The following KATNAL1 variants were observed in gnomAD, a reference collection of about 807,000 sequenced individuals.
KATNAL1 encodes katanin p60 ATPase-containing subunit A-like 1.
Under a neutral mutation model 55.2 loss-of-function variants are expected in KATNAL1, and 32 were observed. That is an observed-to-expected ratio of 0.58 (90% CI 0.44 to 0.78). The LOEUF (loss-of-function observed/expected upper bound fraction) is 0.78. KATNAL1 is among the 30% of genes least tolerant of loss of function. The probability of loss-of-function intolerance (pLI) is 0.00; values close to 1 mark genes in which losing one functional copy is unlikely to be tolerated. For synonymous variants in KATNAL1, 193 were observed against 193.6 expected, an observed-to-expected ratio of 1.00 and a Z score of 0.02; for missense variants, 466 against 600.9, an observed-to-expected ratio of 0.78 and a Z score of 2.35.
At chr13:30,223,253 C>A (rs1463904238) in intron 9 of KATNAL1, among the ~76,000 whole-genome samples, 1 of 151,534 alleles carries the variant, frequency 6.6e-6, no homozygotes, top group African/African-American at 2.4e-5. Context: ...TCCTGGCTAA[C>A]ACGGTGAAAC....
chr13:30,206,209 A>C lies in KATNAL1; in HGVS notation c.*2331T>G, dbSNP rs1223844334. The C allele has an allele frequency of 2.0e-5, 3 of 152,112 alleles. No individual in the cohort carries two copies. The highest frequency in any genetic ancestry group is 2.9e-5 in the Non-Finnish European group (2 of 68,070). The allele number at this position is 152,112 out of a possible 1,614,324, so 9.4% of individuals were successfully genotyped here. ...GGCAGGAGAATGGCTTGAACCTGGGAGGCAGAAGTTGCAGTGAGCCGAGAT... is the reference window on the plus strand; with the variant it reads ...GGCAGGAGAATGGCTTGAACCTGGGCGGCAGAAGTTGCAGTGAGCCGAGAT... On this transcript the variant is annotated 3_prime_UTR_variant, in exon 11 of 11. Transcript: ENST00000380615.
chr13:30,267,364 C>T (rs988926993), intron 3 of KATNAL1, among the ~76,000 whole-genome samples: 1 of 152,134 alleles, frequency 6.6e-6, no homozygotes, highest in Non-Finnish European at 1.5e-5. Context: ...TCCAGTTTAT[C>T]GTCAACTTCT....
At chr13:30,250,643 G>T (rs1032573897) in intron 4 of KATNAL1, among the ~76,000 whole-genome samples, 6 of 151,988 alleles carry the variant, frequency 3.9e-5, no homozygotes, top group African/African-American at 1.5e-4. Context: ...CTCATGAGAA[G>T]GAAAGTCTTC....
At chr13:30,221,517 C>T (rs1874852613) in intron 9 of KATNAL1, among the ~76,000 whole-genome samples, 1 of 152,120 alleles carries the variant, frequency 6.6e-6, no homozygotes, top group African/African-American at 2.4e-5. Flanking sequence ...AAGTAGCTAA[C>T]AAAAACAAAT....
Position 30,241,597 on chromosome 13 carries a change from T to A in KATNAL1, c.493-511A>T, listed in dbSNP as rs558302676. Among the ~76,000 whole-genome samples, 21 of 152,334 alleles carry A rather than the reference T, an allele frequency of 1.4e-4. No individual in the cohort carries two copies. The South Asian group carries it at 4.1e-3, about 30-fold the overall frequency. ...TTGACGAGCTTTAAATGAAATTCAC[T>A]TATTTGCCAGAGACAGTCCAACTAT... On this transcript the variant is annotated intron_variant, in intron 4 of 10. Coordinates refer to ENST00000380615, the MANE Select transcript of KATNAL1 (RefSeq NM_032116.5).
chr13:30,296,759 G>A, intron 1 of KATNAL1: 2 of 487,790 alleles, frequency 4.1e-6, no homozygotes, highest in East Asian at 5.1e-5. Flanking sequence ...TAGTGAGCTT[G>A]TGCCCCTACC....
intron 9 of KATNAL1, among the ~76,000 whole-genome samples, chr13:30,214,198 A>G (rs1873977667): frequency 1.3e-5 from 2 of 152,236 alleles, no homozygotes; most frequent in Non-Finnish European, 1.5e-5. Context: ...TAAAATACCT[A>G]GGAATCCAAC....
In KATNAL1 at chr13:30,208,483, GGA is replaced by G; in HGVS notation, c.*55_*56del. On this transcript the variant is annotated 3_prime_UTR_variant, in exon 11 of 11. Coordinates refer to ENST00000380615, the MANE Select transcript of KATNAL1 (RefSeq NM_032116.5). Reference sequence around the variant, plus strand: ...CCAAACTTGTTTTTTAAAAATTGCAGGAATTTCTTCGTATTTTATCAACAAAA... The same window carrying G: ...CCAAACTTGTTTTTTAAAAATTGCAGATTTCTTCGTATTTTATCAACAAAA... The G allele has an allele frequency of 7.2e-7, 1 of 1,383,462 alleles. No individual in the cohort carries two copies. Among genetic ancestry groups the G allele is most frequent in the Admixed American group, 2.6e-5 (1 of 38,218 alleles). The allele number at this position is 1,383,462 out of a possible 1,614,324, so 85.7% of individuals were successfully genotyped here. A position where few individuals can be genotyped will look rare whatever the true frequency, so the allele number is the denominator to read the frequency against.
chr13:30,296,112 T>A (rs1209443157), intron 1 of KATNAL1: 44 of 382,456 alleles, frequency 1.2e-4, no homozygotes, highest in Non-Finnish European at 4.3e-5. Flanking sequence ...TGATCGTCCG[T>A]GCATCTAGCC....
At chr13:30,218,445 C>A (rs1874530565) in intron 9 of KATNAL1, among the ~76,000 whole-genome samples, 1 of 151,846 alleles carries the variant, frequency 6.6e-6, no homozygotes, top group Non-Finnish European at 1.5e-5. Flanking sequence ...CTCACTTGTG[C>A]CTATTATTTT....
chr13:30,216,843 C>CT (rs1199702966), intron 9 of KATNAL1, among the ~76,000 whole-genome samples: 1 of 152,318 alleles, frequency 6.6e-6, no homozygotes, highest in East Asian at 1.9e-4. Flanking sequence ...ACAAATACCC[C>CT]TTTTCATTCT....
At position 30,240,558 on chromosome 13, in the gene KATNAL1, T is replaced by C. The variant is rs934642403; in HGVS notation, c.628A>G (p.Ile210Val). ...SRNPSIHWDD[I>V]ADLEEAKKLL... Reference sequence around the variant, plus strand: ...TTCTTAGCTTCTTCCAGATCTGCTATGTCATCCCTTTGAAAGAACAGCAAA... The same window carrying C: ...TTCTTAGCTTCTTCCAGATCTGCTACGTCATCCCTTTGAAAGAACAGCAAA... Residue 210 changes from isoleucine (I) to valine (V), a missense_variant, in exon 6 of 11, where the codon ATA (isoleucine) becomes GTA (valine). Around this residue, in one of 3 missense-constraint regions of KATNAL1, gnomAD observed 248 missense variants for 275.5 expected, o/e 0.90. Transcript: ENST00000380615. 5 of 1,610,198 alleles carry C rather than the reference T, an allele frequency of 3.1e-6. No individual in the cohort carries two copies. Among genetic ancestry groups the C allele is most frequent in the South Asian group, 1.1e-5 (1 of 90,838 alleles).
Position 30,283,793 on chromosome 13 carries a change from T to G in KATNAL1, c.-14-2A>C. The G allele has an allele frequency of 1.3e-6, 2 of 1,591,964 alleles. No individual in the cohort carries two copies. The highest frequency in any genetic ancestry group is 1.7e-6 in the Non-Finnish European group (2 of 1,167,842). On this transcript the variant is annotated splice_acceptor_variant, in intron 1 of 10. Coordinates refer to ENST00000380615, the MANE Select transcript of KATNAL1 (RefSeq NM_032116.5). LOFTEE classifies it low-confidence loss of function (5UTR_SPLICE). Reference sequence around the variant, plus strand: ...CCAAATTCATCTTCTTTCAGAGACCTAAACATAAAATATAATGACTTTTTA... The same window carrying G: ...CCAAATTCATCTTCTTTCAGAGACCGAAACATAAAATATAATGACTTTTTA...
intron 3 of KATNAL1, 61 bp downstream of exon 3, chr13:30,280,002 T>G: frequency 7.0e-7 from 1 of 1,421,690 alleles, no homozygotes; most frequent in Admixed American, 2.4e-5. Flanking sequence ...GTTCAAAACA[T>G]GCTTCACTGT....
chr13:30,238,297 CCATT>C (rs1162353842), intron 6 of KATNAL1, among the ~76,000 whole-genome samples: 8 of 152,090 alleles, frequency 5.3e-5, no homozygotes, highest in Non-Finnish European at 1.2e-4. Context: ...TATGAGATAA[CCATT>C]ATTATTCCCA....
At chr13:30,246,571 A>C (rs758273722) in intron 4 of KATNAL1, among the ~76,000 whole-genome samples, 14 of 152,250 alleles carry the variant, frequency 9.2e-5, no homozygotes, top group Non-Finnish European at 1.9e-4. Flanking sequence ...GAGCTTCTGC[A>C]CAGCAAAAGA....
chr13:30,207,678 A>T lies in KATNAL1; in HGVS notation c.*862T>A, dbSNP rs1873277770. 1 of 152,216 alleles carries T rather than the reference A, an allele frequency of 6.6e-6. No individual in the cohort carries two copies. The highest frequency in any genetic ancestry group is 1.5e-5 in the Non-Finnish European group (1 of 68,076). The allele number at this position is 152,216 out of a possible 1,614,324, so 9.4% of individuals were successfully genotyped here. A position where few individuals can be genotyped will look rare whatever the true frequency, so the allele number is the denominator to read the frequency against. On this transcript the variant is annotated 3_prime_UTR_variant, in exon 11 of 11. Coordinates refer to ENST00000380615, the MANE Select transcript of KATNAL1 (RefSeq NM_032116.5). ...GCTACTTGGGAGGCTGAGACAGGAGAATTGCTTGAATCTAGGAGGCAGAGG... is the reference window on the plus strand; with the variant it reads ...GCTACTTGGGAGGCTGAGACAGGAGTATTGCTTGAATCTAGGAGGCAGAGG...
intron 3 of KATNAL1, among the ~76,000 whole-genome samples, chr13:30,279,626 T>C (rs1455322695): frequency 1.3e-5 from 2 of 152,190 alleles, no homozygotes; most frequent in East Asian, 3.8e-4. Context: ...ATAAGCCTCT[T>C]AAACATTATC....
At chr13:30,223,901 A>C (rs1407143845) in intron 9 of KATNAL1, among the ~76,000 whole-genome samples, 1 of 152,244 alleles carries the variant, frequency 6.6e-6, no homozygotes, top group Non-Finnish European at 1.5e-5. Context: ...ACAAGCTCAG[A>C]ATAAACATTC....
Sources: gnomAD v4.1 joint callset for allele counts (sites outside exome capture counted in the v4.1 genomes callset) on GRCh38, gnomAD v4.1.1 for gene constraint, gnomAD v4.1.1 regional missense constraint, MANE v1.5 for transcripts, NCBI Gene and HGNC (gene_info 2026-07-23, HGNC 2026-07-21) for gene names.